CMIP: variants seen among roughly 807,000 people sequenced by gnomAD.
The protein encoded by CMIP is C-Maf-inducing protein.
In CMIP, 13 loss-of-function variants were observed where a neutral mutation model predicts 97.3. The observed-to-expected ratio is 0.13, with a 90% CI of 0.09 to 0.21. The LOEUF (loss-of-function observed/expected upper bound fraction) is 0.21. Among genes scored for constraint, CMIP ranks in the 10% least tolerant of loss-of-function variants. The pLI is 1.00. For missense variants in CMIP, 847 were observed against 1,024.9 expected, an observed-to-expected ratio of 0.83 and a Z score of 2.37; for synonymous variants, 538 against 436.3, an observed-to-expected ratio of 1.23 and a Z score of -2.91.
chr16:81,573,906 A>T (rs889247956), intron 1 of CMIP, among the ~76,000 whole-genome samples: 2 of 152,120 alleles, frequency 1.3e-5, no homozygotes, highest in Non-Finnish European at 2.9e-5. Context: ...GTGTCTCAGA[A>T]ATAAGACATG....
intron 1 of CMIP, chr16:81,603,495 G>C (rs199733408): frequency 4.4e-6 from 2 of 454,372 alleles, no homozygotes; most frequent in East Asian, 1.4e-4. Context: ...CCAGCTGCTA[G>C]TATCTTAGTC....
At chr16:81,638,589 G>GTCCCTTTCCTCTCCCCCCTC (rs2092265637) in intron 3 of CMIP, among the ~76,000 whole-genome samples, 1 of 151,960 alleles carries the variant, frequency 6.6e-6, no homozygotes. Context: ...CCCTCCCCTT[G>GTCCCTTTCCTCTCCCCCCTC]TCCCTTTCCT....
At chr16:81,589,499 T>C (rs529877626) in intron 1 of CMIP, among the ~76,000 whole-genome samples, 22 of 151,448 alleles carry the variant, frequency 1.5e-4, no homozygotes, top group Middle Eastern at 3.4e-3. Flanking sequence ...TTTTTTTTTT[T>C]CCACCCTATG....
At chr16:81,487,103 C>G (rs527701863) in intron 1 of CMIP, among the ~76,000 whole-genome samples, 1 of 152,162 alleles carries the variant, frequency 6.6e-6, no homozygotes, top group Non-Finnish European at 1.5e-5. Flanking sequence ...CTGTGCTTGG[C>G]CTCTGGTCAT....
intron 1 of CMIP, among the ~76,000 whole-genome samples, chr16:81,581,321 C>T (rs570163904): frequency 1.3e-5 from 2 of 152,226 alleles, no homozygotes; most frequent in South Asian, 2.1e-4. Flanking sequence ...AGTCACTGAG[C>T]GAACATCCTG....
Position 81,445,329 on chromosome 16 carries a change from C to G in CMIP, c.88C>G (p.Pro30Ala). The change falls in exon 1 of 21, where the codon CCC (proline) becomes GCC (alanine). Residue 30 changes from proline to alanine, a missense_variant. Transcript: ENST00000537098. ...GCTGCTGGGGGGCGACGTGTCGGCCCCCGAAGGCACGAAGATGGGCGCCGT... is the reference window on the plus strand; with the variant it reads ...GCTGCTGGGGGGCGACGTGTCGGCCGCCGAAGGCACGAAGATGGGCGCCGT... ...KPLLGGDVSA[P>A]EGTKMGAVPC... 1 of 1,590,530 alleles carries G rather than the reference C, an allele frequency of 6.3e-7. No individual in the cohort carries two copies. Among genetic ancestry groups the G allele is most frequent in the Non-Finnish European group, 8.6e-7 (1 of 1,169,580 alleles).
At chr16:81,607,475 A>T (rs2091762860) in intron 1 of CMIP, 92 bp from the exon 2 acceptor site, 1 of 1,508,626 alleles carries the variant, frequency 6.6e-7, no homozygotes, top group South Asian at 1.2e-5. Flanking sequence ...CTGTCGCCAG[A>T]GGGGCGATGT....
intron 1 of CMIP, chr16:81,603,303 G>A (rs1466180530): frequency 1.4e-5 from 6 of 437,378 alleles, no homozygotes; most frequent in African/African-American, 1.0e-4. Context: ...GGATGGTCTC[G>A]ATCAAGGTGA....
At chr16:81,542,405 T>G (rs1162376479) in intron 1 of CMIP, among the ~76,000 whole-genome samples, 4 of 152,266 alleles carry the variant, frequency 2.6e-5, no homozygotes, top group East Asian at 1.9e-4. Context: ...GTGGGAGATT[T>G]GTAGCATGGC....
intron 1 of CMIP, among the ~76,000 whole-genome samples, chr16:81,471,979 A>G (rs34506659): frequency 0.36 from 55,231 of 152,114 alleles, 10,349 homozygotes; most frequent in Admixed American, 0.49. Flanking sequence ...CTGACACTGC[A>G]GAAAGTGAAA....
chr16:81,586,723 C>T (rs1471200007), intron 1 of CMIP, among the ~76,000 whole-genome samples: 2 of 152,204 alleles, frequency 1.3e-5, no homozygotes, highest in African/African-American at 2.4e-5. Flanking sequence ...CCCTCGGGCT[C>T]CTCTGCCTCC....
intron 1 of CMIP, among the ~76,000 whole-genome samples, chr16:81,561,232 G>A (rs1168009043): frequency 6.6e-6 from 1 of 152,236 alleles, no homozygotes; most frequent in African/African-American, 2.4e-5. Context: ...TGGGATTGCA[G>A]GCGTGAGTCA....
intron 5 of CMIP, among the ~76,000 whole-genome samples, 190 bp downstream of exon 5, chr16:81,658,006 G>C (rs1567639677): frequency 6.6e-6 from 1 of 152,134 alleles, no homozygotes; most frequent in African/African-American, 2.4e-5. Flanking sequence ...CAGTTGATAG[G>C]AGCGGGAGTG....
chr16:81,622,042 T>C (rs2091999776), intron 3 of CMIP: 1 of 152,220 alleles, frequency 6.6e-6, no homozygotes, highest in Non-Finnish European at 1.5e-5. Context: ...GTGCCAGGAC[T>C]GGCGTGTTTT....
intron 1 of CMIP, among the ~76,000 whole-genome samples, chr16:81,545,204 C>T (rs2090523001): frequency 6.6e-6 from 1 of 152,180 alleles, no homozygotes; most frequent in Non-Finnish European, 1.5e-5. Context: ...TAGCTTCTTC[C>T]ATCCTTTGAG....
intron 3 of CMIP, among the ~76,000 whole-genome samples, chr16:81,647,688 G>T (rs540341507): frequency 6.6e-6 from 1 of 152,068 alleles, no homozygotes; most frequent in African/African-American, 2.4e-5. Context: ...CAGGGATTCC[G>T]GAGGCGTCCC....
chr16:81,512,184 G>T (rs1384444800), intron 1 of CMIP, among the ~76,000 whole-genome samples: 1 of 152,178 alleles, frequency 6.6e-6, no homozygotes, highest in Non-Finnish European at 1.5e-5. Flanking sequence ...CTATTGGAGA[G>T]CACTGATCTA....
intron 1 of CMIP, among the ~76,000 whole-genome samples, chr16:81,570,155 C>G (rs1049551001): frequency 1.3e-5 from 2 of 152,174 alleles, no homozygotes; most frequent in Non-Finnish European, 2.9e-5. Context: ...TGATTTGAGC[C>G]AAGGACAGCT....
intron 18 of CMIP, 59 bp downstream of exon 18, chr16:81,704,144 C>A (rs547078487): frequency 3.4e-6 from 5 of 1,487,744 alleles, no homozygotes; most frequent in African/African-American, 2.8e-5. Context: ...TCTGCACTCT[C>A]CTCCCTATTC....
Sources: gnomAD v4.1 joint callset for allele counts (sites outside exome capture counted in the v4.1 genomes callset) on GRCh38, gnomAD v4.1.1 for gene constraint, MANE v1.5 for transcripts, NCBI Gene and HGNC (gene_info 2026-07-23, HGNC 2026-07-21) for gene names.